Variants in ACSBG1 observed in about 807,000 individuals in gnomAD.
The protein encoded by ACSBG1 is long-chain-fatty-acid--CoA ligase ACSBG1.
ACSBG1 carries 39 observed loss-of-function variants against 80.2 expected under a neutral mutation model. That is an observed-to-expected ratio of 0.49 (90% CI 0.38 to 0.64). The LOEUF (loss-of-function observed/expected upper bound fraction) is 0.64, where lower values mean the gene tolerates loss of function less well. ACSBG1 is among the 30% of genes least tolerant of loss of function. ACSBG1 has a pLI of 0.00. For missense variants in ACSBG1, 828 were observed against 966.4 expected (o/e 0.86, Z 1.90); for synonymous variants, 392 against 379.5 (o/e 1.03, Z -0.38).
At chr15:78,210,412 G>A (rs1448714425) in intron 1 of ACSBG1, among the ~76,000 whole-genome samples, 1 of 152,146 alleles carries the variant, frequency 6.6e-6, no homozygotes, top group Non-Finnish European at 1.5e-5. Flanking sequence ...TTGAAGAGAT[G>A]TCATCCGAAA....
chr15:78,215,782 G>GAAAGAAAT (rs2075307364), intron 1 of ACSBG1, among the ~76,000 whole-genome samples: 1 of 149,016 alleles, frequency 6.7e-6, no homozygotes, highest in Non-Finnish European at 1.5e-5. Context: ...AAGAAAGAAA[G>GAAAGAAAT]AAAGAGAAAG....
intron 1 of ACSBG1, among the ~76,000 whole-genome samples, chr15:78,213,210 T>A (rs2141373440): frequency 6.6e-6 from 1 of 152,272 alleles, no homozygotes; most frequent in Admixed American, 6.5e-5. Flanking sequence ...ATGCTCCCAA[T>A]AGCAACAATA....
intron 5 of ACSBG1, among the ~76,000 whole-genome samples, chr15:78,190,041 C>CA (rs1374329835): frequency 1.3e-5 from 2 of 151,910 alleles, no homozygotes; most frequent in Non-Finnish European, 2.9e-5. Context: ...TAAAGGAAGA[C>CA]AGAGTATCAG....
intron 5 of ACSBG1, among the ~76,000 whole-genome samples, chr15:78,189,504 A>C (rs2141342083): frequency 6.6e-6 from 1 of 152,270 alleles, no homozygotes; most frequent in East Asian, 1.9e-4. Flanking sequence ...AAAAATGATG[A>C]GTTCATGTCC....
intron 1 of ACSBG1, among the ~76,000 whole-genome samples, chr15:78,212,228 C>A (rs2075272697): frequency 6.6e-6 from 1 of 152,182 alleles, no homozygotes; most frequent in Non-Finnish European, 1.5e-5. Context: ...GCACAACTCA[C>A]TTTACTAGCT....
At chr15:78,204,694 A>G (rs1031322070) in intron 2 of ACSBG1, among the ~76,000 whole-genome samples, 7 of 152,214 alleles carry the variant, frequency 4.6e-5, no homozygotes, top group African/African-American at 1.7e-4. Flanking sequence ...GCCGGCCCCC[A>G]TCGGAGGCTG....
At chr15:78,205,295 G>A (rs1248268018) in intron 2 of ACSBG1, among the ~76,000 whole-genome samples, 3 of 152,134 alleles carry the variant, frequency 2.0e-5, no homozygotes, top group Non-Finnish European at 4.4e-5. Context: ...TCAGCCTGGG[G>A]ACCAGAGCTC....
chr15:78,185,346 C>T (rs1055353557), intron 5 of ACSBG1, among the ~76,000 whole-genome samples: 4 of 152,162 alleles, frequency 2.6e-5, no homozygotes, highest in Non-Finnish European at 5.9e-5. Flanking sequence ...ATGTTTCCCC[C>T]CACCAGCATG....
At chr15:78,194,947 C>T (rs568826107) in intron 2 of ACSBG1, among the ~76,000 whole-genome samples, 1 of 152,240 alleles carries the variant, frequency 6.6e-6, no homozygotes, top group Non-Finnish European at 1.5e-5. Flanking sequence ...TTTAGGGATG[C>T]AGCAAGGAAG....
At chr15:78,211,984 G>A (rs188695507) in intron 1 of ACSBG1, among the ~76,000 whole-genome samples, 18 of 152,306 alleles carry the variant, frequency 1.2e-4, no homozygotes, top group African/African-American at 4.3e-4. Flanking sequence ...ATGTTGGTTG[G>A]ACCTAAACCT....
intron 2 of ACSBG1, 97 bp from the exon 3 acceptor site, chr15:78,194,823 C>A: frequency 2.3e-6 from 3 of 1,281,692 alleles, no homozygotes; most frequent in Non-Finnish European, 2.2e-6. Context: ...GCTGACAATG[C>A]CTTGGGTCCT....
intron 11 of ACSBG1, chr15:78,174,959 GCAGA>G (rs2074868186): frequency 5.5e-6 from 1 of 181,864 alleles, no homozygotes; most frequent in Non-Finnish European, 1.2e-5. Context: ...CAATAATGAA[GCAGA>G]CACTCTTATT....
chr15:78,204,886 C>T (rs556164404), intron 2 of ACSBG1, among the ~76,000 whole-genome samples: 4 of 152,278 alleles, frequency 2.6e-5, no homozygotes, highest in Admixed American at 6.5e-5. Flanking sequence ...AGTGACGAAC[C>T]GAGGGAGGCC....
rs1385243967 is a variant in ACSBG1, at chr15:78,177,366, A to G, written c.1702+1248T>C. On this transcript the variant is annotated intron_variant, in intron 11 of 13. Transcript: ENST00000258873. The surrounding 1 kb of genome is among the most constrained non-coding windows in gnomAD (Gnocchi z 4.1). ...TCACTTCATAAAGGACAAAGGTATC[A>G]CTGCAAGGCCATGGGGAAAGGATGC... 6.6e-6 allele frequency among the ~76,000 whole-genome samples: 1 copy of G among 152,222 alleles called. No homozygotes were observed. Among genetic ancestry groups the G allele is most frequent in the South Asian group, 2.1e-4 (1 of 4,836 alleles).
chr15:78,181,866 G>A, intron 8 of ACSBG1, 103 bp downstream of exon 8: 1 of 1,412,574 alleles, frequency 7.1e-7, no homozygotes, highest in Non-Finnish European at 9.7e-7. Context: ...ACTGATACAT[G>A]CACAGGAACA....
intron 2 of ACSBG1, among the ~76,000 whole-genome samples, chr15:78,203,053 G>A (rs1196993716): frequency 6.6e-6 from 1 of 152,100 alleles, no homozygotes; most frequent in Non-Finnish European, 1.5e-5. Context: ...GAAAAGGGGA[G>A]CAAAAAAGGG....
At chr15:78,213,185 C>T (rs1415172365) in intron 1 of ACSBG1, among the ~76,000 whole-genome samples, 3 of 152,234 alleles carry the variant, frequency 2.0e-5, no homozygotes, top group Admixed American at 1.3e-4. Flanking sequence ...GTCACACAGG[C>T]CTGTGCACAG....
chr15:78,221,772 G>A (rs556831235), intron 1 of ACSBG1, among the ~76,000 whole-genome samples: 2 of 152,270 alleles, frequency 1.3e-5, no homozygotes, highest in South Asian at 2.1e-4. Flanking sequence ...CTGGTTAATA[G>A]AGAATGTAAA....
At chr15:78,216,011 C>T (rs944251722) in intron 1 of ACSBG1, among the ~76,000 whole-genome samples, 13 of 152,338 alleles carry the variant, frequency 8.5e-5, no homozygotes, top group Non-Finnish European at 1.6e-4. Flanking sequence ...CTTCCTGGAG[C>T]TGCCCTGGCT....
Sources: allele counts gnomAD v4.1 joint callset (sites outside exome capture counted in the v4.1 genomes callset), GRCh38; gene constraint gnomAD v4.1.1; non-coding constraint Gnocchi (gnomAD v3.1); transcripts MANE v1.5; gene names NCBI Gene and HGNC (gene_info 2026-07-23, HGNC 2026-07-21).